BANP: variants seen among roughly 807,000 people sequenced by gnomAD.
BANP encodes BTG3 associated nuclear protein.
Under a neutral mutation model 68.1 loss-of-function variants are expected in BANP, and 11 were observed. The ratio of observed to expected loss-of-function variants is 0.16; its 90% CI spans 0.10 to 0.27. BANP has a LOEUF of 0.27. BANP is among the 10% of genes least tolerant of loss of function. The probability of loss-of-function intolerance (pLI) is 1.00; values close to 1 mark genes in which losing one functional copy is unlikely to be tolerated. For missense variants in BANP, 504 were observed against 722.7 expected (o/e 0.70, Z 3.47); for synonymous variants, 329 against 303.2 (o/e 1.09, Z -0.88).
rs535547599 is a variant in BANP, at chr16:87,998,787, C to T, written c.363-5508C>T. On this transcript the variant is annotated intron_variant, in intron 4 of 13. Transcript: ENST00000682872. ...AGACACGTCTCCATGCACGCACGTGCGCGGCTGTACTTACCTGTCCTTCCA... is the reference window on the plus strand; with the variant it reads ...AGACACGTCTCCATGCACGCACGTGTGCGGCTGTACTTACCTGTCCTTCCA... Among the ~76,000 whole-genome samples the T allele has an allele frequency of 3.7e-3, 504 of 135,538 alleles. 14 individuals are homozygous for T. Among genetic ancestry groups the T allele is most frequent in the African/African-American group, 0.013 (453 of 35,616 alleles). The allele number at this position is 135,538 out of a possible 152,430, so 88.9% of individuals were successfully genotyped here. A position where few individuals can be genotyped will look rare whatever the true frequency, so the allele number is the denominator to read the frequency against.
At chr16:88,024,855 CAG>C (rs1417904246) in intron 7 of BANP, among the ~76,000 whole-genome samples, 8 of 152,250 alleles carry the variant, frequency 5.3e-5, no homozygotes, top group Non-Finnish European at 1.2e-4. Flanking sequence ...AAGTGTGAGT[CAG>C]GGTTTGAACT....
chr16:88,013,845 C>A (rs1375511684), intron 6 of BANP, among the ~76,000 whole-genome samples: 62 of 152,324 alleles, frequency 4.1e-4, no homozygotes, highest in Non-Finnish European at 5.9e-5. Flanking sequence ...GCCTGAAAAT[C>A]TCTAGTACTT....
chr16:88,057,164 C>T lies in BANP; in HGVS notation c.1312-8103C>T, dbSNP rs2085275486. ...AGCTGTGTCTGCCTTTTCTGGTGGG[C>T]GGGCCTGCCGTGTTGTGGTGGGGAG... On this transcript the variant is annotated intron_variant, in intron 11 of 13. Coordinates refer to ENST00000682872, the MANE Select transcript of BANP (RefSeq NM_001386991.1). The surrounding 1 kb of genome is among the most constrained non-coding windows in gnomAD (Gnocchi z 4.6). Among the ~76,000 whole-genome samples, 1 of 152,064 alleles carries T rather than the reference C, an allele frequency of 6.6e-6. No homozygotes were observed. Among genetic ancestry groups the T allele is most frequent in the Admixed American group, 6.5e-5 (1 of 15,274 alleles).
Position 87,978,795 on chromosome 16 carries a change from AC to A in BANP, c.71-2237del, listed in dbSNP as rs376913205. 3.6e-4 allele frequency: 133 copies of A among 369,188 alleles called. 1 individual carries two copies. In the East Asian group the frequency reaches 8.5e-3, roughly 24 times the overall value. 22.9% of individuals were successfully genotyped at this position (369,188 alleles called of 1,614,324 possible). A position where few individuals can be genotyped will look rare whatever the true frequency, so the allele number is the denominator to read the frequency against. On this transcript the variant is annotated intron_variant, in intron 2 of 13. Transcript: ENST00000682872. ...CAGCCTTAACACGCTAAGTGATAGA[AC>A]CCCAACCCTCCCAGGCACAGCTGAG...
intron 1 of BANP, among the ~76,000 whole-genome samples, chr16:87,966,197 G>A (rs1171118478): frequency 3.9e-5 from 6 of 152,154 alleles, no homozygotes; most frequent in African/African-American, 1.4e-4. Context: ...AATCTGGATG[G>A]GCGTGGATTC....
intron 6 of BANP, among the ~76,000 whole-genome samples, chr16:88,017,906 C>G (rs1457130343): frequency 6.6e-6 from 1 of 152,208 alleles, no homozygotes; most frequent in Non-Finnish European, 1.5e-5. Context: ...GTGACTTACA[C>G]TGTGCAGAGG....
At chr16:88,012,656 C>T (rs1195123719) in intron 6 of BANP, among the ~76,000 whole-genome samples, 3 of 152,168 alleles carry the variant, frequency 2.0e-5, no homozygotes, top group African/African-American at 4.8e-5. Context: ...TGAAAAGTGA[C>T]CGTGGAGCTA....
At chr16:88,016,981 C>G (rs2074723136) in intron 6 of BANP, among the ~76,000 whole-genome samples, 1 of 152,192 alleles carries the variant, frequency 6.6e-6, no homozygotes, top group African/African-American at 2.4e-5. Flanking sequence ...CAGCCCTGCC[C>G]TGATATTTCA....
rs2063123981 is a variant in BANP at position 87,980,863 on chromosome 16, T to C, written c.71-173T>C. ...CTGGGCTTTTCTTGGGATTAAGGAGTTATCCTGTTTTTCTGCCTGACTGAG... is the reference window on the plus strand; with the variant it reads ...CTGGGCTTTTCTTGGGATTAAGGAGCTATCCTGTTTTTCTGCCTGACTGAG... On this transcript the variant is annotated intron_variant, in intron 2 of 13. Coordinates refer to ENST00000682872, the MANE Select transcript of BANP (RefSeq NM_001386991.1). 1.2e-5 allele frequency: 7 copies of C among 585,188 alleles called. No homozygotes were observed. In the South Asian group the frequency reaches 1.4e-4, roughly 12 times the overall value. 36.2% of individuals were successfully genotyped at this position (585,188 alleles called of 1,614,324 possible). A position where few individuals can be genotyped will look rare whatever the true frequency, so the allele number is the denominator to read the frequency against.
chr16:88,053,207 C>A (rs998920704), intron 11 of BANP, among the ~76,000 whole-genome samples: 8 of 151,682 alleles, frequency 5.3e-5, no homozygotes, highest in African/African-American at 1.9e-4. Flanking sequence ...ACTATCATCT[C>A]CATCATTATC....
chr16:88,060,394 C>G (rs974570233), intron 11 of BANP, among the ~76,000 whole-genome samples: 3 of 152,190 alleles, frequency 2.0e-5, no homozygotes, highest in Non-Finnish European at 4.4e-5. Flanking sequence ...CCACGTTTTT[C>G]CATCACGATT....
In BANP at chr16:87,973,752, A is replaced by C. The variant is rs11117328; in HGVS notation, c.-68-1296A>C. Among the ~76,000 whole-genome samples, 5 of 130,416 alleles carry C rather than the reference A, an allele frequency of 3.8e-5. No homozygotes were observed. The South Asian group carries it at 1.3e-3, about 34-fold the overall frequency. The allele number at this position is 130,416 out of a possible 152,430, so 85.6% of individuals were successfully genotyped here. On this transcript the variant is annotated intron_variant, in intron 1 of 13. Coordinates refer to ENST00000682872, the MANE Select transcript of BANP (RefSeq NM_001386991.1). ...TGGGCAACAGGAGCAAAACTCCATC[A>C]CAAAAAAAAAAAAAAAAAAAAAGAA...
chr16:88,050,559 C>A lies in BANP; in HGVS notation c.1311+12548C>A, dbSNP rs377559187. ...GCCAGCGGCCTAAGTGGCGTTGCAGCCCACAGGAGTCTCATCCAGACCTGG... is the reference window on the plus strand; with the variant it reads ...GCCAGCGGCCTAAGTGGCGTTGCAGACCACAGGAGTCTCATCCAGACCTGG... On this transcript the variant is annotated intron_variant, in intron 11 of 13. Transcript: ENST00000682872. 1.3e-3 allele frequency among the ~76,000 whole-genome samples: 194 copies of A among 152,300 alleles called. 1 individual carries two copies. The highest frequency in any genetic ancestry group is 4.6e-3 in the African/African-American group (192 of 41,556).
chr16:87,972,321 GTTCT>G (rs386793927), intron 1 of BANP, among the ~76,000 whole-genome samples: 51,635 of 151,648 alleles, frequency 0.34, 10,185 homozygotes, highest in Non-Finnish European at 0.47. Context: ...TATATTCTGA[GTTCT>G]AGCACCTTGT....
At chr16:87,974,268 T>C (rs889767751) in intron 1 of BANP, among the ~76,000 whole-genome samples, 3 of 152,244 alleles carry the variant, frequency 2.0e-5, no homozygotes, top group Non-Finnish European at 2.9e-5. Flanking sequence ...TGCAGCCTTA[T>C]TTTTACTTTG....
chr16:88,011,712 C>T (rs79669980), intron 6 of BANP, among the ~76,000 whole-genome samples: 32,227 of 152,014 alleles, frequency 0.21, 3,927 homozygotes, highest in East Asian at 0.5. Flanking sequence ...TCATAAAGTC[C>T]CTGATTTTAG....
intron 7 of BANP, among the ~76,000 whole-genome samples, chr16:88,021,081 C>T (rs1283382512): frequency 6.6e-6 from 1 of 152,136 alleles, no homozygotes; most frequent in Non-Finnish European, 1.5e-5. Context: ...CTGCCAACCT[C>T]GATGGGGGTC....
intron 11 of BANP, among the ~76,000 whole-genome samples, chr16:88,049,641 G>A (rs781287178): frequency 6.6e-6 from 1 of 152,204 alleles, no homozygotes; most frequent in Non-Finnish European, 1.5e-5. Context: ...AGACGAACCA[G>A]GGCTGTGGGA....
rs75806325 is a variant in BANP at position 87,973,432 on chromosome 16, G to A, written c.-68-1616G>A. On this transcript the variant is annotated intron_variant, in intron 1 of 13. Transcript: ENST00000682872. ...TAAAGGAAGATTTAAGACAGCACTT[G>A]GCTCCTTCTTCCACAAATTGTTATC... Among the ~76,000 whole-genome samples the A allele has an allele frequency of 6.4e-4, 97 of 152,224 alleles. 3 individuals are homozygous for A. In the East Asian group the frequency reaches 0.013, roughly 20 times the overall value.
Sources: gnomAD v4.1 joint callset for allele counts (sites outside exome capture counted in the v4.1 genomes callset) on GRCh38, gnomAD v4.1.1 for gene constraint, Gnocchi (gnomAD v3.1) non-coding constraint, MANE v1.5 for transcripts, NCBI Gene and HGNC (gene_info 2026-07-23, HGNC 2026-07-21) for gene names.